Variants in FRMPD2 observed in about 807,000 individuals in gnomAD.
The protein encoded by FRMPD2 is FERM and PDZ domain-containing protein 2.
FRMPD2 carries 96 observed loss-of-function variants against 140.1 expected under a neutral mutation model. The ratio of observed to expected loss-of-function variants is 0.69; its 90% CI spans 0.58 to 0.81. FRMPD2 has a LOEUF of 0.81. FRMPD2 is among the 40% of genes least tolerant of loss of function. FRMPD2 has a pLI of 0.00. For synonymous variants in FRMPD2, 449 were observed against 547.6 expected, an observed-to-expected ratio of 0.82 and a Z score of 2.52; for missense variants, 1,240 against 1,447.4, an observed-to-expected ratio of 0.86 and a Z score of 2.32.
chr10:48,258,951 T>C (rs1291423239), intron 1 of FRMPD2, among the ~76,000 whole-genome samples: 1 of 152,268 alleles, frequency 6.6e-6, no homozygotes, highest in African/African-American at 2.4e-5. Flanking sequence ...TTTTTCATTA[T>C]GAAAGAAGCA....
chr10:48,187,323 G>T, intron 16 of FRMPD2, 31 bp from the exon 17 acceptor site: 1 of 1,593,280 alleles, frequency 6.3e-7, no homozygotes, highest in Non-Finnish European at 8.6e-7. Flanking sequence ...GGTTAGATAA[G>T]GTGGCCCACG....
intron 17 of FRMPD2, among the ~76,000 whole-genome samples, chr10:48,186,245 C>T (rs1199975498): frequency 6.6e-6 from 1 of 152,216 alleles, no homozygotes. Flanking sequence ...GGAAAATCCC[C>T]AAATGGTGAC....
chr10:48,185,502 C>T, intron 18 of FRMPD2, 51 bp downstream of exon 18: 1 of 1,278,810 alleles, frequency 7.8e-7, no homozygotes, highest in Non-Finnish European at 1.1e-6. Context: ...CCCACCTCCC[C>T]ACTTTGCCCA....
intron 3 of FRMPD2, among the ~76,000 whole-genome samples, chr10:48,245,878 A>G (rs533614941): frequency 6.6e-6 from 1 of 152,348 alleles, no homozygotes; most frequent in East Asian, 1.9e-4. Flanking sequence ...GAAACATTGC[A>G]TGTAAAAACA....
intron 10 of FRMPD2, among the ~76,000 whole-genome samples, chr10:48,225,128 A>ATTTC (rs1392017653): frequency 6.6e-6 from 1 of 152,142 alleles, no homozygotes; most frequent in African/African-American, 2.4e-5. Context: ...GAGGGAGAGG[A>ATTTC]TTTCGCCAGA....
intron 20 of FRMPD2, among the ~76,000 whole-genome samples, chr10:48,181,372 T>C (rs1226813731): frequency 6.6e-6 from 1 of 152,172 alleles, no homozygotes; most frequent in Non-Finnish European, 1.5e-5. Context: ...CAGGAAGGTG[T>C]AATCCCAGTT....
At chr10:48,186,259 C>A (rs972869003) in intron 17 of FRMPD2, among the ~76,000 whole-genome samples, 4 of 152,200 alleles carry the variant, frequency 2.6e-5, no homozygotes, top group Non-Finnish European at 4.4e-5. Flanking sequence ...TGGTGACCCA[C>A]CACTTCAGTC....
chr10:48,272,752 A>G (rs1277667445), intron 1 of FRMPD2, among the ~76,000 whole-genome samples: 2 of 152,258 alleles, frequency 1.3e-5, no homozygotes, highest in Admixed American at 1.3e-4. Context: ...TAGTTGTTAC[A>G]TTGTGAATAA....
In FRMPD2 at chr10:48,200,197, T is replaced by TAAAAAAAAA. The variant is rs201140091; in HGVS notation, c.1954+1030_1954+1031insTTTTTTTTT. On this transcript the variant is annotated intron_variant, in intron 15 of 28. Transcript: ENST00000374201. ...ATAAATAAATAAATAAATAAATAAA[T>TAAAAAAAAA]AAAACAGAGCCAAGCAACCATTTGC... Among the ~76,000 whole-genome samples, 71 of 139,722 alleles carry TAAAAAAAAA rather than the reference T, an allele frequency of 5.1e-4. 1 individual carries two copies. Among genetic ancestry groups the TAAAAAAAAA allele is most frequent in the Non-Finnish European group, 8.8e-4 (57 of 64,476 alleles). The allele number at this position is 139,722 out of a possible 152,430, so 91.7% of individuals were successfully genotyped here.
chr10:48,204,184 T>C (rs1564424361), intron 14 of FRMPD2, among the ~76,000 whole-genome samples: 1 of 152,184 alleles, frequency 6.6e-6, no homozygotes, highest in Non-Finnish European at 1.5e-5. Context: ...TTTGCACTCA[T>C]CAGAAATGAA....
chr10:48,178,181 A>G (rs557333584), intron 21 of FRMPD2, 30 bp from the exon 22 acceptor site: 14 of 1,320,904 alleles, frequency 1.1e-5, no homozygotes, highest in Non-Finnish European at 1.5e-5. Flanking sequence ...AAAAATAAAG[A>G]TGGGATGAAG....
chr10:48,192,180 A>G (rs1478864899), intron 16 of FRMPD2, among the ~76,000 whole-genome samples: 1 of 152,206 alleles, frequency 6.6e-6, no homozygotes. Flanking sequence ...TTGGCCCTAG[A>G]GTGTTTAACA....
At position 48,229,420 on chromosome 10, in the gene FRMPD2, T is replaced by C. The variant is rs79187204; in HGVS notation, c.1168+2695A>G. 5.8e-3 allele frequency among the ~76,000 whole-genome samples: 879 copies of C among 152,266 alleles called. 7 individuals are homozygous for C. The highest frequency in any genetic ancestry group is 0.019 in the African/African-American group (805 of 41,586). On this transcript the variant is annotated intron_variant, in intron 10 of 28. Coordinates refer to ENST00000374201, the MANE Select transcript of FRMPD2 (RefSeq NM_001018071.4). Reference sequence around the variant, plus strand: ...CAGCTTCCCAAAATCAAATTCTAAATTGAGTCTTTTTGACCTTGAATTTAC... The same window carrying C: ...CAGCTTCCCAAAATCAAATTCTAAACTGAGTCTTTTTGACCTTGAATTTAC...
rs745734548 is a variant in FRMPD2, at chr10:48,188,728, G to T, written c.2166-1436C>A. On this transcript the variant is annotated intron_variant, in intron 16 of 28. Coordinates refer to ENST00000374201, the MANE Select transcript of FRMPD2 (RefSeq NM_001018071.4). ...GATGATGCTGAGGTGGCCTTCAGGT[G>T]GCCTTTACGGAAAAGGAAGGGCTTT... Among the ~76,000 whole-genome samples the T allele has an allele frequency of 7.3e-4, 111 of 152,342 alleles. 1 individual carries two copies. Among genetic ancestry groups the T allele is most frequent in the Admixed American group, 2.5e-3 (38 of 15,308 alleles).
chr10:48,270,938 A>C (rs1444305050), intron 1 of FRMPD2, among the ~76,000 whole-genome samples: 1 of 152,194 alleles, frequency 6.6e-6, no homozygotes, highest in Non-Finnish European at 1.5e-5. Context: ...ACTGAAATGT[A>C]AATTCTACAA....
At chr10:48,249,860 C>G (rs534243483) in intron 2 of FRMPD2, among the ~76,000 whole-genome samples, 28 of 152,010 alleles carry the variant, frequency 1.8e-4, no homozygotes, top group Admixed American at 1.8e-3. Flanking sequence ...TGAAGAGACA[C>G]TATAGGAGGC....
intron 27 of FRMPD2, among the ~76,000 whole-genome samples, chr10:48,168,328 G>T (rs1475994151): frequency 3.8e-5 from 4 of 106,160 alleles, no homozygotes; most frequent in African/African-American, 1.6e-4. Flanking sequence ...TTCCCTCTCT[G>T]ATGCCTGAGC....
chr10:48,220,626 G>T (rs1184848288), intron 12 of FRMPD2, among the ~76,000 whole-genome samples: 2 of 152,154 alleles, frequency 1.3e-5, no homozygotes, highest in Admixed American at 1.3e-4. Flanking sequence ...CACAGCAAAA[G>T]AAGCAATCAG....
chr10:48,212,273 G>T (rs1391849298), intron 12 of FRMPD2, among the ~76,000 whole-genome samples, 164 bp from the exon 13 acceptor site: 4 of 152,174 alleles, frequency 2.6e-5, no homozygotes, highest in Admixed American at 6.5e-5. Context: ...TATTAAAAAC[G>T]GGGCCAAACC....
Sources: allele counts gnomAD v4.1 joint callset (sites outside exome capture counted in the v4.1 genomes callset), GRCh38; gene constraint gnomAD v4.1.1; transcripts MANE v1.5; gene names NCBI Gene and HGNC (gene_info 2026-07-23, HGNC 2026-07-21).